DAB1: variants seen among roughly 807,000 people sequenced by gnomAD.
The protein encoded by DAB1 is DAB adaptor protein 1.
In DAB1, 15 loss-of-function variants were observed where a neutral mutation model predicts 64.6. The ratio of observed to expected loss-of-function variants is 0.23; its 90% CI spans 0.16 to 0.36. The LOEUF (loss-of-function observed/expected upper bound fraction) is 0.36. DAB1 is among the 10% of genes least tolerant of loss of function. DAB1 has a pLI of 1.00. For synonymous variants in DAB1, 235 were observed against 251.9 expected, an observed-to-expected ratio of 0.93 and a Z score of 0.64; for missense variants, 596 against 706.7, an observed-to-expected ratio of 0.84 and a Z score of 1.78.
chr1:58,300,650 AAGGAAGGAAGGAAGGAAGG>A (rs1662144137), intron 4 of DAB1, among the ~76,000 whole-genome samples: 4 of 47,376 alleles, frequency 8.4e-5, no homozygotes, highest in African/African-American at 3.3e-4. Flanking sequence ...GAGAGAGAGG[AAGGAAGGAAGGAAGGAAGG>A]AAGGAAGGAA....
chr1:58,132,880 A>G (rs984389543), intron 5 of DAB1, among the ~76,000 whole-genome samples: 4 of 152,172 alleles, frequency 2.6e-5, no homozygotes, highest in African/African-American at 9.6e-5. Context: ...TAATCCAGAT[A>G]TCAGTTCTGA....
chr1:58,115,847 G>A (rs1372471609), intron 5 of DAB1, among the ~76,000 whole-genome samples: 1 of 115,684 alleles, frequency 8.6e-6, no homozygotes, highest in African/African-American at 3.3e-5. Flanking sequence ...GTGGGGTCGG[G>A]GGAGGGGGGA....
intron 1 of DAB1, among the ~76,000 whole-genome samples, chr1:57,359,668 C>T (rs1448481761): frequency 6.6e-6 from 1 of 151,788 alleles, no homozygotes; most frequent in Non-Finnish European, 1.5e-5. Context: ...TTTATAATAG[C>T]CAAGATACGG....
intron 3 of DAB1, among the ~76,000 whole-genome samples, chr1:58,392,364 A>G (rs1252022659): frequency 6.6e-6 from 1 of 152,148 alleles, no homozygotes; most frequent in Non-Finnish European, 1.5e-5. Context: ...CTAACTCTCA[A>G]CTATAAAGAG....
intron 7 of DAB1, among the ~76,000 whole-genome samples, chr1:57,560,055 C>T (rs1206296498): frequency 6.6e-6 from 1 of 152,218 alleles, no homozygotes; most frequent in East Asian, 1.9e-4. Flanking sequence ...GGTTTCATTG[C>T]TTGAGCAAAT....
At chr1:57,071,986 A>G (rs989777824) in intron 5 of DAB1, among the ~76,000 whole-genome samples, 1 of 151,932 alleles carries the variant, frequency 6.6e-6, no homozygotes, top group Non-Finnish European at 1.5e-5. Flanking sequence ...GAACGCAAGG[A>G]AACTTATTTG....
At chr1:57,516,734 C>A (rs1335291344) in intron 7 of DAB1, among the ~76,000 whole-genome samples, 2 of 152,172 alleles carry the variant, frequency 1.3e-5, no homozygotes, top group African/African-American at 4.8e-5. Context: ...TGGTTGGGCT[C>A]CTTGAACGCC....
intron 3 of DAB1, among the ~76,000 whole-genome samples, chr1:58,354,301 T>A (rs1169588130): frequency 1.3e-5 from 2 of 152,108 alleles, no homozygotes; most frequent in Non-Finnish European, 2.9e-5. Flanking sequence ...TTGGGACACA[T>A]CAACACGGGC....
At chr1:58,345,674 C>T (rs1243055592) in intron 3 of DAB1, among the ~76,000 whole-genome samples, 1 of 152,072 alleles carries the variant, frequency 6.6e-6, no homozygotes, top group Non-Finnish European at 1.5e-5. Context: ...CCCACCTTCT[C>T]TGTACTTAAG....
chr1:57,118,023 C>T (rs1656294967), intron 4 of DAB1, among the ~76,000 whole-genome samples: 1 of 152,174 alleles, frequency 6.6e-6, no homozygotes, highest in Middle Eastern at 3.2e-3. Context: ...CAGTGACTTA[C>T]TTTCAAGGAT....
At chr1:57,783,416 A>G (rs1261245717) in intron 6 of DAB1, among the ~76,000 whole-genome samples, 1 of 152,122 alleles carries the variant, frequency 6.6e-6, no homozygotes, top group South Asian at 2.1e-4. Context: ...ATAGTTTTCT[A>G]TGTCAGTCTG....
intron 6 of DAB1, among the ~76,000 whole-genome samples, chr1:57,801,126 T>C (rs754292499): frequency 3.9e-5 from 6 of 152,248 alleles, no homozygotes; most frequent in Admixed American, 6.5e-5. Flanking sequence ...TCATTCTTAT[T>C]TGTGTCTGAA....
chr1:58,246,058 T>C (rs948781856), intron 4 of DAB1, among the ~76,000 whole-genome samples: 1 of 152,088 alleles, frequency 6.6e-6, no homozygotes, highest in Non-Finnish European at 1.5e-5. Flanking sequence ...GGGGAAGGGG[T>C]TGTCACTTTT....
chr1:57,017,750 C>T (rs1646481273), intron 11 of DAB1, among the ~76,000 whole-genome samples: 1 of 152,136 alleles, frequency 6.6e-6, no homozygotes, highest in African/African-American at 2.4e-5. Flanking sequence ...GTGAAGAGGC[C>T]CTGGAGCTGA....
chr1:57,726,230 C>G (rs1469722478), intron 6 of DAB1, among the ~76,000 whole-genome samples: 2 of 152,094 alleles, frequency 1.3e-5, no homozygotes, highest in Non-Finnish European at 2.9e-5. Flanking sequence ...AAGGGATGCA[C>G]AAAGCAGAAT....
At chr1:57,773,209 G>A (rs1017637996) in intron 6 of DAB1, among the ~76,000 whole-genome samples, 1 of 151,836 alleles carries the variant, frequency 6.6e-6, no homozygotes, top group Non-Finnish European at 1.5e-5. Context: ...AAGAGCCCCA[G>A]GAAATTAACA....
chr1:57,384,989 C>G lies in DAB1; in HGVS notation c.-137+38941G>C, dbSNP rs562492194. 1.8e-3 allele frequency among the ~76,000 whole-genome samples: 267 copies of G among 152,252 alleles called. 1 individual carries two copies. The highest frequency in any genetic ancestry group is 3.4e-3 in the Middle Eastern group (1 of 294). Reference sequence around the variant, plus strand: ...AAAGCATGTTAAAAATGTACATACTCCCCCATGCTATGACATGCTCTCTAG... The same window carrying G: ...AAAGCATGTTAAAAATGTACATACTGCCCCATGCTATGACATGCTCTCTAG... On this transcript the variant is annotated intron_variant, in intron 1 of 14. Transcript: ENST00000371236.
At position 58,133,567 on chromosome 1, in the gene DAB1, T is replaced by G. The variant is rs143621927; in HGVS notation, n.387+16944A>C. Among the ~76,000 whole-genome samples the G allele has an allele frequency of 5.1e-4, 77 of 152,306 alleles. No homozygotes were observed. The East Asian group carries it at 0.012, about 24-fold the overall frequency. The stretch of plus-strand genomic sequence containing the variant: ...TGCCAACAGATTTCCAGGGCCAGAG[T>G]ATACTAAATGTTTCTTTCACTGATT... On this transcript the variant is annotated intron_variant and non_coding_transcript_variant, in intron 5 of 20. Coordinates refer to the DAB1 transcript ENST00000485760.
chr1:57,510,716 C>G (rs1348050180), intron 7 of DAB1, among the ~76,000 whole-genome samples: 1 of 152,110 alleles, frequency 6.6e-6, no homozygotes. Flanking sequence ...CACATTCTTT[C>G]TGCCCCAATT....
Sources: allele counts gnomAD v4.1 joint callset (sites outside exome capture counted in the v4.1 genomes callset), GRCh38; gene constraint gnomAD v4.1.1; transcripts MANE v1.5; gene names NCBI Gene and HGNC (gene_info 2026-07-23, HGNC 2026-07-21).